The following NALF1 variants were observed in gnomAD, a reference collection of about 807,000 sequenced individuals.
The protein encoded by NALF1 is NALCN channel auxiliary factor 1.
A neutral mutation model predicts 48.4 loss-of-function variants in NALF1; 3 were observed. The observed-to-expected ratio is 0.06, with a 90% CI of 0.03 to 0.16. NALF1 has a LOEUF of 0.16. Among genes scored for constraint, NALF1 ranks in the 10% least tolerant of loss-of-function variants. The pLI, the probability that NALF1 is intolerant of heterozygous loss-of-function variation, is 1.00. For synonymous variants in NALF1, 262 were observed against 245.7 expected (o/e 1.07, Z -0.62); for missense variants, 526 against 571.5 (o/e 0.92, Z 0.81).
rs376074171 is a variant in NALF1 at position 107,860,974 on chromosome 13, T to C, written c.915+4708A>G. Among the ~76,000 whole-genome samples, 5 of 152,224 alleles carry C rather than the reference T, an allele frequency of 3.3e-5. No homozygotes were observed. In the East Asian group the frequency reaches 7.7e-4, roughly 23 times the overall value. The stretch of plus-strand genomic sequence containing the variant: ...AACAGCAATTATTTAAACTTTGTGA[T>C]CATACCTATGTAGCCACTAGTTTGA... On this transcript the variant is annotated intron_variant, in intron 1 of 2. Transcript: ENST00000375915.
chr13:107,714,696 T>C (rs552950784), intron 1 of NALF1, among the ~76,000 whole-genome samples: 1 of 151,942 alleles, frequency 6.6e-6, no homozygotes, highest in East Asian at 1.9e-4. Flanking sequence ...CTTTTGTTTG[T>C]GCTCTGTTTT....
intron 1 of NALF1, among the ~76,000 whole-genome samples, chr13:107,648,845 C>A (rs1309827432): frequency 6.6e-6 from 1 of 152,112 alleles, no homozygotes; most frequent in African/African-American, 2.4e-5. Flanking sequence ...CCAGCATTTG[C>A]TGTTGTCATT....
chr13:107,452,146 G>C (rs1344214849), intron 1 of NALF1, among the ~76,000 whole-genome samples: 1 of 151,958 alleles, frequency 6.6e-6, no homozygotes, highest in Non-Finnish European at 1.5e-5. Flanking sequence ...TCCTAGCTCA[G>C]CTCTTTGTGC....
At chr13:107,220,535 C>T (rs980056363) in intron 1 of NALF1, among the ~76,000 whole-genome samples, 3 of 152,208 alleles carry the variant, frequency 2.0e-5, no homozygotes, top group Admixed American at 6.5e-5. Context: ...TAGGTACCAT[C>T]CAATCTGTCT....
chr13:107,308,424 G>A (rs919034782), intron 1 of NALF1, among the ~76,000 whole-genome samples: 2 of 151,846 alleles, frequency 1.3e-5, no homozygotes, highest in East Asian at 1.9e-4. Context: ...GGATGGTCTC[G>A]ATCTCCTGAC....
chr13:107,229,878 C>T (rs1880183897), intron 1 of NALF1, among the ~76,000 whole-genome samples: 1 of 152,118 alleles, frequency 6.6e-6, no homozygotes, highest in African/African-American at 2.4e-5. Flanking sequence ...ATTTTTCTTG[C>T]CTGGATTCCA....
intron 1 of NALF1, among the ~76,000 whole-genome samples, chr13:107,361,023 G>A (rs925330073): frequency 3.6e-4 from 54 of 152,060 alleles, no homozygotes; most frequent in Non-Finnish European, 7.5e-4. Context: ...AAATGTAAAG[G>A]TTTGATCAGT....
intron 1 of NALF1, among the ~76,000 whole-genome samples, chr13:107,399,280 C>T (rs1052540422): frequency 7.2e-5 from 11 of 151,934 alleles, no homozygotes; most frequent in African/African-American, 1.7e-4. Flanking sequence ...TGTTGTTGAA[C>T]GTTTTATGTA....
chr13:107,725,937 G>T (rs369225935), intron 1 of NALF1, among the ~76,000 whole-genome samples: 5 of 152,020 alleles, frequency 3.3e-5, no homozygotes, highest in African/African-American at 1.2e-4. Flanking sequence ...TGATCATAAA[G>T]ACTTTGGTGT....
At chr13:107,838,156 T>G (rs1879950878) in intron 1 of NALF1, among the ~76,000 whole-genome samples, 1 of 152,082 alleles carries the variant, frequency 6.6e-6, no homozygotes, top group South Asian at 2.1e-4. Context: ...CTAAGAAGTT[T>G]TGGCATTATA....
In NALF1 at chr13:107,220,103, C is replaced by T. The variant is rs114957014; in HGVS notation, c.916-9348G>A. On this transcript the variant is annotated intron_variant, in intron 1 of 2. Coordinates refer to ENST00000375915, the MANE Select transcript of NALF1 (RefSeq NM_001080396.3). ...GAAACAAGAATAATCTGCTTTTGCT[C>T]AAAGAAAATCTGCTGTTCCTCAGTG... Among the ~76,000 whole-genome samples, 906 of 152,298 alleles carry T rather than the reference C, an allele frequency of 5.9e-3. 4 individuals carry two copies. The highest frequency in any genetic ancestry group is 0.021 in the African/African-American group (875 of 41,558).
In NALF1 at chr13:107,229,309, G is replaced by A. The variant is rs139069264; in HGVS notation, c.916-18554C>T. Among the ~76,000 whole-genome samples the A allele has an allele frequency of 2.3e-3, 349 of 152,144 alleles. 1 individual carries two copies. The highest frequency in any genetic ancestry group is 0.013 in the South Asian group (61 of 4,818). On this transcript the variant is annotated intron_variant, in intron 1 of 2. Transcript: ENST00000375915. Reference sequence around the variant, plus strand: ...ATACCAATCATGATGATGGGACTACGTGGGGCTGGAGAAAGGCACTTTTGG... The same window carrying A: ...ATACCAATCATGATGATGGGACTACATGGGGCTGGAGAAAGGCACTTTTGG...
intron 1 of NALF1, among the ~76,000 whole-genome samples, chr13:107,272,817 C>T (rs1022978174): frequency 2.0e-5 from 3 of 152,142 alleles, no homozygotes; most frequent in Admixed American, 1.3e-4. Flanking sequence ...GTAAATCGTG[C>T]GTTGCCTCAA....
At chr13:107,287,093 C>T (rs1226255450) in intron 1 of NALF1, among the ~76,000 whole-genome samples, 5 of 152,136 alleles carry the variant, frequency 3.3e-5, no homozygotes, top group East Asian at 1.9e-4. Context: ...TTGACATGCA[C>T]GCATAAACAG....
At chr13:107,566,611 C>T (rs1877816721) in intron 1 of NALF1, among the ~76,000 whole-genome samples, 1 of 152,228 alleles carries the variant, frequency 6.6e-6, no homozygotes, top group Non-Finnish European at 1.5e-5. Flanking sequence ...ACGGTAACAC[C>T]AGATTCACGT....
chr13:107,752,615 A>G (rs1204532848), intron 1 of NALF1, among the ~76,000 whole-genome samples: 1 of 152,148 alleles, frequency 6.6e-6, no homozygotes, highest in Non-Finnish European at 1.5e-5. Context: ...ACAGAAAGAC[A>G]AATACTACAT....
chr13:107,735,431 C>T (rs921379268), intron 1 of NALF1, among the ~76,000 whole-genome samples: 11 of 152,152 alleles, frequency 7.2e-5, no homozygotes, highest in East Asian at 3.9e-4. Context: ...TTGCCTGTTT[C>T]GGCTGGCTTT....
chr13:107,682,045 A>C (rs956368732), intron 1 of NALF1, among the ~76,000 whole-genome samples: 2 of 152,194 alleles, frequency 1.3e-5, no homozygotes, highest in African/African-American at 2.4e-5. Flanking sequence ...AGACATGAAT[A>C]AACCAGGCAC....
At position 107,169,310 on chromosome 13, in the gene NALF1, C is replaced by T. The variant is rs950166914; in HGVS notation, c.*1187G>A. On this transcript the variant is annotated 3_prime_UTR_variant, in exon 3 of 3. Coordinates refer to ENST00000375915, the MANE Select transcript of NALF1 (RefSeq NM_001080396.3). ...TTTTAAACCATATGTTAGGGAAATA[C>T]TGGAATAAAATTGTGTATATTCTGT... The T allele has an allele frequency of 6.6e-6, 1 of 152,168 alleles. No homozygotes were observed. Among genetic ancestry groups the T allele is most frequent in the African/African-American group, 2.4e-5 (1 of 41,418 alleles). 9.4% of individuals were successfully genotyped at this position (152,168 alleles called of 1,614,324 possible).
Sources: allele counts gnomAD v4.1 joint callset (sites outside exome capture counted in the v4.1 genomes callset), GRCh38; gene constraint gnomAD v4.1.1; transcripts MANE v1.5; gene names NCBI Gene and HGNC (gene_info 2026-07-23, HGNC 2026-07-21).